E2F2: variants seen among roughly 807,000 people sequenced by gnomAD.
E2F2 encodes transcription factor E2F2.
Under a neutral mutation model 42.2 loss-of-function variants are expected in E2F2, and 22 were observed. The observed-to-expected ratio is 0.52, with a 90% confidence interval of 0.37 to 0.74. The LOEUF (loss-of-function observed/expected upper bound fraction) is 0.74. Among genes scored for constraint, E2F2 ranks in the 30% least tolerant of loss-of-function variants. E2F2 has a pLI of 0.00. For missense variants in E2F2, 481 were observed against 557.8 expected, an observed-to-expected ratio of 0.86 and a Z score of 1.39; for synonymous variants, 248 against 251.6, an observed-to-expected ratio of 0.99 and a Z score of 0.13.
At chr1:23,518,970 T>A in intron 5 of E2F2, 46 bp downstream of exon 5, 1 of 1,514,252 alleles carries the variant, frequency 6.6e-7, no homozygotes, top group Non-Finnish European at 9.1e-7. Flanking sequence ...GAACGCTCCC[T>A]GGCAGGGTCT....
chr1:23,528,089 G>A (rs1570474632), intron 1 of E2F2, among the ~76,000 whole-genome samples: 1 of 152,376 alleles, frequency 6.6e-6, no homozygotes, highest in Non-Finnish European at 1.5e-5. Context: ...TTGCAAGCCA[G>A]CCTGGGCAGA....
chr1:23,506,352 C>G (rs1254803420), downstream of E2F2: 1 of 152,414 alleles, frequency 6.6e-6, no homozygotes, highest in Non-Finnish European at 1.5e-5. Flanking sequence ...TTGGCCAGGA[C>G]AGCCCCCAAC....
intron 6 of E2F2, among the ~76,000 whole-genome samples, chr1:23,513,689 T>G (rs546766308): frequency 4.7e-5 from 7 of 150,332 alleles, no homozygotes; most frequent in Admixed American, 3.3e-4. Flanking sequence ...TCCTCCTCCC[T>G]TCAGCAGGGA....
Position 23,522,073 on chromosome 1 carries a change from C to T in E2F2, c.359-17G>A, listed in dbSNP as rs199974682. 2.6e-3 allele frequency: 4,140 copies of T among 1,612,078 alleles called. 12 individuals carry two copies. Among genetic ancestry groups the T allele is most frequent in the Admixed American group, 4.1e-3 (246 of 59,980 alleles). On this transcript the variant is annotated splice_polypyrimidine_tract_variant and intron_variant, in intron 2 of 6. Transcript: ENST00000361729. ...ATTTGGGGGCTGAAGAAGAAAGGGA[C>T]CCAGTCACAGCTCAGGGAGGGGAGG...
downstream of E2F2, among the ~76,000 whole-genome samples, chr1:23,505,473 G>C (rs1375792611): frequency 1.3e-5 from 2 of 152,056 alleles, no homozygotes; most frequent in Admixed American, 6.6e-5. Context: ...AGAATACTGA[G>C]TCCCGCCCCA....
At chr1:23,516,561 G>A (rs1249369312) in intron 5 of E2F2, 34 bp from the exon 6 acceptor site, 1 of 1,553,332 alleles carries the variant, frequency 6.4e-7, no homozygotes, top group Non-Finnish European at 8.8e-7. Flanking sequence ...TCATTGCTCT[G>A]GGCAGCTGGA....
At chr1:23,514,351 A>G (rs181689157) in intron 6 of E2F2, among the ~76,000 whole-genome samples, 106 of 152,250 alleles carry the variant, frequency 7.0e-4, no homozygotes, top group African/African-American at 2.5e-3. Flanking sequence ...ACAGATGGCT[A>G]GCACAGGGAG....
chr1:23,511,169 T>C (rs1642901353), intron 6 of E2F2, among the ~76,000 whole-genome samples: 1 of 152,056 alleles, frequency 6.6e-6, no homozygotes, highest in African/African-American at 2.4e-5. Context: ...GTCATTTCTC[T>C]GGCTTCATCT....
At chr1:23,518,785 G>T (rs1643078017) in intron 5 of E2F2, among the ~76,000 whole-genome samples, 2 of 152,214 alleles carry the variant, frequency 1.3e-5, no homozygotes, top group African/African-American at 4.8e-5. Context: ...GTGGGATGCA[G>T]AAAGAAACCA....
chr1:23,505,692 T>A (rs1465216686), downstream of E2F2, among the ~76,000 whole-genome samples: 1 of 152,204 alleles, frequency 6.6e-6, no homozygotes, highest in African/African-American at 2.4e-5. Context: ...ATTTTATTTT[T>A]TTAGTAGAGA....
At chr1:23,512,721 A>G (rs1420452064) in intron 6 of E2F2, among the ~76,000 whole-genome samples, 9 of 151,994 alleles carry the variant, frequency 5.9e-5, no homozygotes, top group South Asian at 2.1e-4. Flanking sequence ...GCCTTTTGTA[A>G]TATGTGTCTC....
chr1:23,510,277 C>A, intron 6 of E2F2, 129 bp from the exon 7 acceptor site: 1 of 1,393,744 alleles, frequency 7.2e-7, no homozygotes, highest in Non-Finnish European at 9.3e-7. Flanking sequence ...GACTGTCGTG[C>A]TCTCAAAATC....
chr1:23,517,629 A>G (rs1235054667), intron 5 of E2F2, among the ~76,000 whole-genome samples: 4 of 152,240 alleles, frequency 2.6e-5, no homozygotes, highest in African/African-American at 9.6e-5. Context: ...TGAGTAGAAC[A>G]TTCTCTTGTG....
chr1:23,518,337 G>A lies in E2F2; in HGVS notation c.852+679C>T, dbSNP rs3218180. ...AATACAAAACTTAGCCGGGAGTAGT[G>A]GCGGGCATCTGTAATCTCAGCTACT... On this transcript the variant is annotated intron_variant, in intron 5 of 6. Transcript: ENST00000361729. Among the ~76,000 whole-genome samples the A allele has an allele frequency of 4.9e-3, 747 of 152,112 alleles. 8 individuals are homozygous for A. The highest frequency in any genetic ancestry group is 0.016 in the African/African-American group (684 of 41,500).
In E2F2 at chr1:23,516,361, C is replaced by T; in HGVS notation, c.1019G>A (p.Ser340Asn). Residue 340 changes from serine to asparagine, a missense_variant, in exon 6 of 7, where the codon AGC becomes AAC. Coordinates refer to ENST00000361729, the MANE Select transcript of E2F2 (RefSeq NM_004091.4). Reference sequence around the variant, plus strand: ...TGAGGATGCTGTGGGCTCCATGATGCTAGGGTCGGTGCTGCTGCTGGGCTG... The same window carrying T: ...TGAGGATGCTGTGGGCTCCATGATGTTAGGGTCGGTGCTGCTGCTGGGCTG... ...SAQPSSSTDP[S>N]IMEPTASSVP... 1 of 1,568,768 alleles carries T rather than the reference C, an allele frequency of 6.4e-7. No individual in the cohort carries two copies. The highest frequency in any genetic ancestry group is 8.6e-7 in the Non-Finnish European group (1 of 1,160,956).
chr1:23,521,008 C>T lies in E2F2; in HGVS notation c.642G>A (p.Leu214=). Residue 214 remains leucine (L), a synonymous_variant, in exon 4 of 7, where the codon CTG becomes CTA. Transcript: ENST00000361729. ...PGKQQQLGQE[L]KELMNTEQAL... ...CCTGCTCCGTGTTCATCAGCTCCTT[C>T]AGCTCCTGCCCCAGCTGTTGCTGCT... is the stretch of plus-strand genomic sequence containing the variant. The T allele has an allele frequency of 6.2e-7, 1 of 1,613,708 alleles. No individual in the cohort carries two copies. The highest frequency in any genetic ancestry group is 8.5e-7 in the Non-Finnish European group (1 of 1,179,764).
At chr1:23,505,449 G>T (rs1203380844), downstream of E2F2, among the ~76,000 whole-genome samples, 1 of 152,136 alleles carries the variant, frequency 6.6e-6, no homozygotes, top group Non-Finnish European at 1.5e-5. Flanking sequence ...CACCTGGGAG[G>T]TTCATGGAGC....
rs1297654229 is a variant in E2F2, at chr1:23,520,959, A to G, written c.691T>C (p.Cys231Arg). The change falls in exon 4 of 7, where the codon TGC becomes CGC. Residue 231 changes from cysteine (C) to arginine (R), a missense_variant. Coordinates refer to ENST00000361729, the MANE Select transcript of E2F2 (RefSeq NM_004091.4). The part of the protein sequence containing the change: ...EQALDQLIQS[C>R]SLSFKHLTED... Reference sequence around the variant, plus strand: ...GTCAGGTGCTTGAAGCTCAGAGAGCAGCTCTGGATGAGCTGGTCCAAGGCC... The same window carrying G: ...GTCAGGTGCTTGAAGCTCAGAGAGCGGCTCTGGATGAGCTGGTCCAAGGCC... 2 of 1,610,908 alleles carry G rather than the reference A, an allele frequency of 1.2e-6. No individual in the cohort carries two copies. Among genetic ancestry groups the G allele is most frequent in the African/African-American group, 2.7e-5 (2 of 74,774 alleles).
intron 6 of E2F2, among the ~76,000 whole-genome samples, chr1:23,511,099 T>A (rs1002336234): frequency 6.6e-6 from 1 of 152,108 alleles, no homozygotes; most frequent in African/African-American, 2.4e-5. Context: ...CTCACTCCAG[T>A]CTGGGGTCTC....
Sources: allele counts gnomAD v4.1 joint callset (sites outside exome capture counted in the v4.1 genomes callset), GRCh38; gene constraint gnomAD v4.1.1; transcripts MANE v1.5; gene names NCBI Gene and HGNC (gene_info 2026-07-23, HGNC 2026-07-21).